ZNF714: variants seen among roughly 807,000 people sequenced by gnomAD.
ZNF714 encodes zinc finger protein 714.
In ZNF714, 32 loss-of-function variants were observed where a neutral mutation model predicts 46.2. The ratio of observed to expected loss-of-function variants is 0.69; its 90% confidence interval spans 0.52 to 0.93. ZNF714 has a LOEUF of 0.93. Among genes scored for constraint, ZNF714 ranks in the 40% least tolerant of loss-of-function variants. The pLI is 0.00. For synonymous variants in ZNF714, 199 were observed against 213.1 expected (o/e 0.93, Z 0.58); for missense variants, 635 against 646.3 (o/e 0.98, Z 0.19).
chr19:21,082,339 C>G lies in ZNF714; in HGVS notation c.-186C>G. ...GCTAAGACGCCAGGTACCCCGGAAGCCTAGAAATGGTGAGAGTGCCGGGTC... is the reference window on the plus strand; with the variant it reads ...GCTAAGACGCCAGGTACCCCGGAAGGCTAGAAATGGTGAGAGTGCCGGGTC... On this transcript the variant is annotated 5_prime_UTR_variant, in exon 1 of 5. Transcript: ENST00000456283. 3 of 1,456,554 alleles carry G rather than the reference C, an allele frequency of 2.1e-6. No individual in the cohort carries two copies. The highest frequency in any genetic ancestry group is 2.8e-6 in the Non-Finnish European group (3 of 1,077,134). The allele number at this position is 1,456,554 out of a possible 1,614,324, so 90.2% of individuals were successfully genotyped here.
At chr19:21,102,091 G>A (rs1222020502) in intron 4 of ZNF714, among the ~76,000 whole-genome samples, 1 of 151,128 alleles carries the variant, frequency 6.6e-6, no homozygotes, top group African/African-American at 2.4e-5. Context: ...CATGATACCT[G>A]GCTGTCTCAT....
intron 2 of ZNF714, among the ~76,000 whole-genome samples, chr19:21,097,224 G>A (rs1392532904): frequency 6.6e-6 from 1 of 152,118 alleles, no homozygotes; most frequent in African/African-American, 2.4e-5. Flanking sequence ...AGAGATACCT[G>A]CTTTCTAGGA....
chr19:21,106,244 G>A (rs2144857886), intron 4 of ZNF714, among the ~76,000 whole-genome samples: 1 of 151,254 alleles, frequency 6.6e-6, no homozygotes, highest in East Asian at 2.0e-4. Flanking sequence ...AATAGAGTGA[G>A]ACTCCGTCAC....
At chr19:21,097,018 C>T (rs1969057820) in intron 2 of ZNF714, among the ~76,000 whole-genome samples, 1 of 152,054 alleles carries the variant, frequency 6.6e-6, no homozygotes, top group East Asian at 1.9e-4. Flanking sequence ...AGGCGCCCAC[C>T]ACCACACCCG....
chr19:21,117,055 A>C lies in ZNF714; in HGVS notation c.391A>C (p.Asn131His), dbSNP rs1449024426. The C allele has an allele frequency of 6.2e-7, 1 of 1,613,262 alleles. No homozygotes were observed. Among genetic ancestry groups the C allele is most frequent in the Admixed American group, 1.7e-5 (1 of 59,920 alleles). Residue 131 changes from asparagine (N) to histidine (H), a missense_variant, in exon 5 of 5, where the codon AAT becomes CAT. Asn to His is a moderately conservative substitution (Grantham distance 68). Coordinates refer to ENST00000456283, the MANE Select transcript of ZNF714 (RefSeq NM_182515.4). ...TATAAAAGTCTTTCATAAAATTTTC[A>C]ATTCAAATAGACACAAGACAAGACA... is the stretch of plus-strand genomic sequence containing the variant. ...KYIKVFHKIF[N>H]SNRHKTRHTG...
At chr19:21,094,057 C>T in intron 2 of ZNF714, among the ~76,000 whole-genome samples, 1 of 152,248 alleles carries the variant, frequency 6.6e-6, no homozygotes, top group East Asian at 1.9e-4. Context: ...GTGGCACCAT[C>T]TCAGCTCACT....
chr19:21,084,089 G>C lies in ZNF714; in HGVS notation c.-85+20G>C. 8.7e-6 allele frequency: 9 copies of C among 1,036,048 alleles called. No individual in the cohort carries two copies. Among genetic ancestry groups the C allele is most frequent in the Non-Finnish European group, 1.1e-5 (9 of 840,976 alleles). 64.2% of individuals were successfully genotyped at this position (1,036,048 alleles called of 1,614,324 possible). A position where few individuals can be genotyped will look rare whatever the true frequency, so the allele number is the denominator to read the frequency against. ...GAAAAGGTAATCAGATGCTGGTACT[G>C]AGGGGAAAACACAGAAATAACATCT... On this transcript the variant is annotated intron_variant, in intron 2 of 4. Coordinates refer to ENST00000456283, the MANE Select transcript of ZNF714 (RefSeq NM_182515.4).
At chr19:21,109,423 G>T (rs1309935095) in intron 4 of ZNF714, among the ~76,000 whole-genome samples, 3 of 152,036 alleles carry the variant, frequency 2.0e-5, no homozygotes, top group Non-Finnish European at 2.9e-5. Context: ...TTTTTGCCCT[G>T]TTGTCTAGGT....
chr19:21,087,215 G>A (rs939410263), intron 2 of ZNF714, among the ~76,000 whole-genome samples: 4 of 102,818 alleles, frequency 3.9e-5, no homozygotes, highest in African/African-American at 1.7e-4. Flanking sequence ...TCTTAGGGCA[G>A]TCTCAGCAAA....
intron 4 of ZNF714, among the ~76,000 whole-genome samples, chr19:21,106,735 C>T (rs1969327498): frequency 6.6e-6 from 1 of 152,112 alleles, no homozygotes. Context: ...ATACAGAAGG[C>T]TTCATTTCTG....
intron 4 of ZNF714, among the ~76,000 whole-genome samples, chr19:21,108,067 A>G (rs1969364698): frequency 6.6e-6 from 1 of 152,096 alleles, no homozygotes; most frequent in East Asian, 1.9e-4. Flanking sequence ...GAGACTACAG[A>G]CATGCACTAC....
At chr19:21,091,325 T>C (rs1294813373) in intron 2 of ZNF714, 1 of 152,236 alleles carries the variant, frequency 6.6e-6, no homozygotes, top group Non-Finnish European at 1.5e-5. Flanking sequence ...GTGGGTTTTA[T>C]CCAGCTTCTA....
rs1322552104 is a variant in ZNF714 at position 21,119,805 on chromosome 19, A to T, written c.*1473A>T. On this transcript the variant is annotated 3_prime_UTR_variant, in exon 5 of 5. Transcript: ENST00000456283. ...ATCAGAGGGCTGAGTATAGAAAATTAAAGTTGGTAGAAAAATTATTTGTAT... is the reference window on the plus strand; with the variant it reads ...ATCAGAGGGCTGAGTATAGAAAATTTAAGTTGGTAGAAAAATTATTTGTAT... 3 of 152,256 alleles carry T rather than the reference A, an allele frequency of 2.0e-5. No individual in the cohort carries two copies. The highest frequency in any genetic ancestry group is 7.2e-5 in the African/African-American group (3 of 41,470). 9.4% of individuals were successfully genotyped at this position (152,256 alleles called of 1,614,324 possible). A position where few individuals can be genotyped will look rare whatever the true frequency, so the allele number is the denominator to read the frequency against.
At chr19:21,087,257 A>G (rs867242300) in intron 2 of ZNF714, among the ~76,000 whole-genome samples, 5 of 151,326 alleles carry the variant, frequency 3.3e-5, no homozygotes, top group Middle Eastern at 6.9e-3. Context: ...CATGATCGAC[A>G]AGGAAATTTG....
intron 2 of ZNF714, among the ~76,000 whole-genome samples, chr19:21,088,232 A>G (rs968629597): frequency 3.3e-5 from 5 of 152,236 alleles, no homozygotes; most frequent in Admixed American, 2.0e-4. Context: ...CATGACTTAT[A>G]CAGACCATCT....
At chr19:21,106,176 A>G (rs558744783) in intron 4 of ZNF714, among the ~76,000 whole-genome samples, 23 of 152,006 alleles carry the variant, frequency 1.5e-4, no homozygotes, top group Admixed American at 3.9e-4. Flanking sequence ...AATCACTTGA[A>G]TCTGGGAGGC....
At chr19:21,101,775 T>A (rs1000359138) in intron 4 of ZNF714, among the ~76,000 whole-genome samples, 3 of 152,212 alleles carry the variant, frequency 2.0e-5, no homozygotes, top group Non-Finnish European at 4.4e-5. Flanking sequence ...GAGTTTGGGA[T>A]GGTTACAGAG....
At position 21,119,157 on chromosome 19, in the gene ZNF714, C is replaced by T. The variant is rs201048780; in HGVS notation, c.*825C>T. ...TGGTGGCTCAGGCCTATAATCCCAG[C>T]ACTTTGGTAGGCCAAGGCAGGTGGA... is the stretch of plus-strand genomic sequence containing the variant. On this transcript the variant is annotated 3_prime_UTR_variant, in exon 5 of 5. Coordinates refer to ENST00000456283, the MANE Select transcript of ZNF714 (RefSeq NM_182515.4). 14 of 445,158 alleles carry T rather than the reference C, an allele frequency of 3.1e-5. No individual in the cohort carries two copies. In the East Asian group the frequency reaches 8.8e-4, roughly 28 times the overall value. 27.6% of individuals were successfully genotyped at this position (445,158 alleles called of 1,614,324 possible). A position where few individuals can be genotyped will look rare whatever the true frequency, so the allele number is the denominator to read the frequency against.
chr19:21,102,111 T>G lies in ZNF714; in HGVS notation c.142+3201T>G, dbSNP rs185511238. On this transcript the variant is annotated intron_variant, in intron 4 of 4. Transcript: ENST00000456283. ...TACCTGGCTGTCTCATAAAGGCATT[T>G]TTTTGTCAGGGATGACTGAAAAACT... Among the ~76,000 whole-genome samples, 85 of 152,182 alleles carry G rather than the reference T, an allele frequency of 5.6e-4. 1 individual carries two copies. The highest frequency in any genetic ancestry group is 1.6e-3 in the African/African-American group (66 of 41,542).
Sources: gnomAD v4.1 joint callset for allele counts (sites outside exome capture counted in the v4.1 genomes callset) on GRCh38, gnomAD v4.1.1 for gene constraint, MANE v1.5 for transcripts, NCBI Gene and HGNC (gene_info 2026-07-23, HGNC 2026-07-21) for gene names.